Variants in SPART observed in about 807,000 individuals in gnomAD.
SPART encodes spartin, also known as spastic paraplegia 20 (Troyer syndrome).
In SPART, 35 loss-of-function variants were observed where a neutral mutation model predicts 58.7. The ratio of observed to expected loss-of-function variants is 0.60; its 90% confidence interval spans 0.46 to 0.79. SPART has a LOEUF of 0.79. Ranked by LOEUF, SPART falls within the 30% of genes least tolerant of loss-of-function variation. The probability of loss-of-function intolerance (pLI) is 0.00; values close to 1 mark genes in which losing one functional copy is unlikely to be tolerated. For missense variants in SPART, 730 were observed against 786.1 expected (o/e 0.93, Z 0.85); for synonymous variants, 284 against 280.7 (o/e 1.01, Z -0.12).
rs767079059 is a variant in SPART, at chr13:36,331,527, T to C, written c.880A>G (p.Met294Val). 5 of 1,614,028 alleles carry C rather than the reference T, an allele frequency of 3.1e-6. No individual in the cohort carries two copies. Among genetic ancestry groups the C allele is most frequent in the African/African-American group, 1.3e-5 (1 of 74,990 alleles). ...GCTTGTAGCATTGTATCAGGAAACA[T>C]GTAGGCTCCCGCAGTACATTTCAGA... ...PVLKCTAGAY[M>V]FPDTMLQAAG... Residue 294 changes from methionine (M) to valine (V), a missense_variant, in exon 3 of 9, where the codon ATG becomes GTG. Physicochemically the swap from Met to Val is conservative, Grantham distance 21 (BLOSUM62 1). Transcript: ENST00000438666.
chr13:36,364,831 A>C (rs549451155), intron 1 of SPART, among the ~76,000 whole-genome samples: 10 of 152,248 alleles, frequency 6.6e-5, no homozygotes, highest in African/African-American at 2.4e-4. Context: ...CAGGGGCCTC[A>C]TTACCTCTTG....
chr13:36,350,651 A>G (rs1161680959), upstream of SPART, among the ~76,000 whole-genome samples: 2 of 152,134 alleles, frequency 1.3e-5, no homozygotes, highest in Non-Finnish European at 2.9e-5. Context: ...GATCCTTCTA[A>G]AAAAAATAAT....
rs374626540 is a variant in SPART at position 36,319,809 on chromosome 13, A to T, written c.1289-5388T>A. 2.9e-3 allele frequency among the ~76,000 whole-genome samples: 419 copies of T among 145,428 alleles called. 7 individuals carry two copies. Among genetic ancestry groups the T allele is most frequent in the Middle Eastern group, 0.01 (3 of 288 alleles). On this transcript the variant is annotated intron_variant, in intron 5 of 8. Transcript: ENST00000438666. ...AAATTACCTAGGCTGTACTGCCACA[A>T]AGCTTCTCAGACAGCCCCCATTACT...
intron 8 of SPART, among the ~76,000 whole-genome samples, chr13:36,305,391 C>A (rs1880419935): frequency 6.6e-6 from 1 of 152,116 alleles, no homozygotes; most frequent in Admixed American, 6.5e-5. Context: ...TACTATAGAA[C>A]TTATTAATTA....
rs1453833369 is a variant in SPART, at chr13:36,305,261, A to G, written c.1734-629T>C. Among the ~76,000 whole-genome samples the G allele has an allele frequency of 6.6e-5, 10 of 152,080 alleles. No individual in the cohort carries two copies. In the South Asian group the frequency reaches 8.3e-4, roughly 13 times the overall value. On this transcript the variant is annotated intron_variant, in intron 8 of 8. Transcript: ENST00000438666. ...GCCTCACCTTCTTCAAGTTGGCTCA[A>G]CTATAATCTCATTATCTAACCTGTT... is the stretch of plus-strand genomic sequence containing the variant.
intron 1 of SPART, among the ~76,000 whole-genome samples, chr13:36,359,335 G>A (rs1885746290): frequency 6.6e-6 from 1 of 152,088 alleles, no homozygotes; most frequent in African/African-American, 2.4e-5. Flanking sequence ...TAAAACCTTA[G>A]CATGTTTTTC....
intron 8 of SPART, among the ~76,000 whole-genome samples, chr13:36,309,583 G>C (rs1880884507): frequency 1.3e-5 from 2 of 152,136 alleles, no homozygotes; most frequent in South Asian, 4.1e-4. Context: ...ATCCTTTGCA[G>C]CAACATGGAT....
chr13:36,316,313 C>A (rs1881694142), intron 5 of SPART, among the ~76,000 whole-genome samples: 1 of 152,228 alleles, frequency 6.6e-6, no homozygotes, highest in South Asian at 2.1e-4. Context: ...TGGCTCACGC[C>A]TGTAATCACA....
upstream of SPART, among the ~76,000 whole-genome samples, chr13:36,347,792 A>G (rs1246400718): frequency 5.3e-5 from 8 of 152,210 alleles, no homozygotes; most frequent in Non-Finnish European, 2.9e-5. Context: ...TTTATTATAA[A>G]TTAACATTTT....
At chr13:36,348,319 T>C (rs1885270589), upstream of SPART, among the ~76,000 whole-genome samples, 1 of 152,180 alleles carries the variant, frequency 6.6e-6, no homozygotes, top group Admixed American at 6.5e-5. Context: ...AGGAAATCTT[T>C]TATTGGTCAT....
At chr13:36,365,748 C>T (rs902576136) in intron 1 of SPART, 40 of 344,458 alleles carry the variant, frequency 1.2e-4, no homozygotes, top group Non-Finnish European at 1.9e-4. Context: ...TCTAGCACAA[C>T]GTCTGCAATG....
At chr13:36,316,728 AC>A (rs1196479659) in intron 5 of SPART, among the ~76,000 whole-genome samples, 3 of 152,288 alleles carry the variant, frequency 2.0e-5, no homozygotes, top group African/African-American at 7.2e-5. Context: ...CTTGTTGCTC[AC>A]ACAAAGCCTG....
At chr13:36,315,926 G>A (rs1881649068) in intron 5 of SPART, among the ~76,000 whole-genome samples, 1 of 152,134 alleles carries the variant, frequency 6.6e-6, no homozygotes, top group Non-Finnish European at 1.5e-5. Flanking sequence ...CACTAATAAA[G>A]AGAAATATTA....
At chr13:36,319,776 A>G (rs1340279616) in intron 5 of SPART, among the ~76,000 whole-genome samples, 4 of 143,396 alleles carry the variant, frequency 2.8e-5, no homozygotes, top group Admixed American at 1.4e-4. Flanking sequence ...ACACCCATCA[A>G]GCTCAGCAAA....
chr13:36,367,047 TCGC>T (rs1004535782), intron 1 of SPART, among the ~76,000 whole-genome samples: 3 of 152,132 alleles, frequency 2.0e-5, no homozygotes, highest in African/African-American at 7.2e-5. Flanking sequence ...CCGGAAAGAT[TCGC>T]CGCCCAAAAT....
rs1166331278 is a variant in SPART, at chr13:36,314,260, T to C, written c.1450A>G (p.Thr484Ala). The change falls in exon 6 of 9, where the codon ACA (threonine) becomes GCA (alanine). Residue 484 changes from threonine to alanine, a missense_variant. Physicochemically the swap from Thr to Ala is moderately conservative, Grantham distance 58 (BLOSUM62 0). Transcript: ENST00000438666. The part of the protein sequence containing the change: ...TKGLYIAKQA[T>A]GGAAKVSQFL... ...TGACTGACTTTTGCTGCTCCTCCTG[T>C]AGCTTGCTTCGCTATATAAAGTCCC... is the stretch of plus-strand genomic sequence containing the variant. 1 of 1,614,140 alleles carries C rather than the reference T, an allele frequency of 6.2e-7. No homozygotes were observed. The highest frequency in any genetic ancestry group is 8.5e-7 in the Non-Finnish European group (1 of 1,180,008).
intron 8 of SPART, among the ~76,000 whole-genome samples, chr13:36,311,024 A>G (rs1233095523): frequency 6.6e-6 from 1 of 152,114 alleles, no homozygotes; most frequent in Non-Finnish European, 1.5e-5. Context: ...TGACCAACAC[A>G]CCCAAACCTT....
At chr13:36,316,770 A>C (rs1322352781) in intron 5 of SPART, among the ~76,000 whole-genome samples, 2 of 152,136 alleles carry the variant, frequency 1.3e-5, no homozygotes, top group Non-Finnish European at 2.9e-5. Context: ...GACGCGCATG[A>C]AATTTGGTGC....
At chr13:36,357,462 G>A (rs1042280224) in intron 1 of SPART, among the ~76,000 whole-genome samples, 7 of 152,308 alleles carry the variant, frequency 4.6e-5, no homozygotes, top group Non-Finnish European at 8.8e-5. Context: ...TAAGGATTCT[G>A]CTGAAATTCA....
Sources: gnomAD v4.1 joint callset for allele counts (sites outside exome capture counted in the v4.1 genomes callset) on GRCh38, gnomAD v4.1.1 for gene constraint, MANE v1.5 for transcripts, NCBI Gene and HGNC (gene_info 2026-07-23, HGNC 2026-07-21) for gene names.